The following EFCAB13 variants were observed in gnomAD, a reference collection of about 807,000 sequenced individuals.
EFCAB13 encodes the protein EF-hand calcium-binding domain-containing protein 13.
EFCAB13 carries 91 observed loss-of-function variants against 110.2 expected under a neutral mutation model. That is an observed-to-expected ratio of 0.83 (90% CI 0.70 to 0.98). The LOEUF is 0.98. Ranked by LOEUF, EFCAB13 falls within the 50% of genes least tolerant of loss-of-function variation. EFCAB13 has a pLI of 0.00. For missense variants in EFCAB13, 968 were observed against 1,119.4 expected (o/e 0.86, Z 1.93); for synonymous variants, 323 against 369.9 (o/e 0.87, Z 1.45).
At chr17:47,420,180 C>G (rs1265920918) in intron 23 of EFCAB13, among the ~76,000 whole-genome samples, 2 of 152,246 alleles carry the variant, frequency 1.3e-5, no homozygotes, top group African/African-American at 2.4e-5. Context: ...CAGCTCCTAA[C>G]GTGAGTGATC....
In EFCAB13 at chr17:47,335,254, C is replaced by G. The variant is rs750635167; in HGVS notation, c.89C>G (p.Ser30Ter). 6.2e-7 allele frequency: 1 copy of G among 1,611,138 alleles called. No individual in the cohort carries two copies. The highest frequency in any genetic ancestry group is 8.5e-7 in the Non-Finnish European group (1 of 1,179,176). ...TCTAATTCTTTTGCAACTGACTTGT[C>G]ATCAGGAACTATTAACCACAAGAAA... is the stretch of plus-strand genomic sequence containing the variant. ...DGSNSFATDL[S>*]SGTINHKKYI... Residue 30 changes from serine (S) to a stop codon, truncating the protein, a stop_gained, in exon 5 of 25, where the codon TCA (serine) becomes TGA (stop). Coordinates refer to ENST00000331493, the MANE Select transcript of EFCAB13 (RefSeq NM_152347.5). LOFTEE classifies it high-confidence loss of function.
At chr17:47,338,558 GT>G (rs60680626) in intron 5 of EFCAB13, among the ~76,000 whole-genome samples, 3,921 of 148,186 alleles carry the variant, frequency 0.026, 171 homozygotes, top group African/African-American at 0.088. Context: ...TTTACTACTA[GT>G]TTTTTTTTTT....
chr17:47,425,650 G>C (rs554660592), intron 23 of EFCAB13, among the ~76,000 whole-genome samples: 1 of 152,160 alleles, frequency 6.6e-6, no homozygotes, highest in South Asian at 2.1e-4. Context: ...CAGAAGATAA[G>C]GAGTAGGTAC....
At chr17:47,352,752 G>A (rs979158806) in intron 9 of EFCAB13, among the ~76,000 whole-genome samples, 1 of 152,060 alleles carries the variant, frequency 6.6e-6, no homozygotes, top group Non-Finnish European at 1.5e-5. Flanking sequence ...GTTCTCTATA[G>A]TTTATTTCAT....
At chr17:47,426,049 C>G (rs925571037) in intron 23 of EFCAB13, among the ~76,000 whole-genome samples, 2 of 152,132 alleles carry the variant, frequency 1.3e-5, no homozygotes, top group African/African-American at 4.8e-5. Flanking sequence ...CCAGTCAATC[C>G]AAACCACTAT....
chr17:47,440,418 C>A lies in EFCAB13; in HGVS notation c.2639-13C>A. The stretch of plus-strand genomic sequence containing the variant: ...AATTCTTTCTTTTAAGTAAATTATG[C>A]TTTGCCTTACAGAAAGTGGCAAGGT... On this transcript the variant is annotated splice_polypyrimidine_tract_variant and intron_variant, in intron 24 of 24. Coordinates refer to ENST00000331493, the MANE Select transcript of EFCAB13 (RefSeq NM_152347.5). 1 of 1,550,500 alleles carries A rather than the reference C, an allele frequency of 6.4e-7. No homozygotes were observed. Among genetic ancestry groups the A allele is most frequent in the Admixed American group, 2.1e-5 (1 of 46,754 alleles).
rs111389844 is a variant in EFCAB13, at chr17:47,369,358, G to A, written c.806-1079G>A. On this transcript the variant is annotated intron_variant, in intron 10 of 24. Transcript: ENST00000331493. ...TCAATTGTGTATTTTTTTCCAAGGCGAGGAAACCATTGGCAATACAAGAAA... is the reference window on the plus strand; with the variant it reads ...TCAATTGTGTATTTTTTTCCAAGGCAAGGAAACCATTGGCAATACAAGAAA... Among the ~76,000 whole-genome samples, 1,313 of 152,146 alleles carry A rather than the reference G, an allele frequency of 8.6e-3. 14 individuals are homozygous for A. Among genetic ancestry groups the A allele is most frequent in the African/African-American group, 0.027 (1,114 of 41,490 alleles).
chr17:47,420,337 T>A (rs1904608284), intron 23 of EFCAB13, among the ~76,000 whole-genome samples: 2 of 152,262 alleles, frequency 1.3e-5, no homozygotes, highest in African/African-American at 4.8e-5. Flanking sequence ...CCTCCCAAAG[T>A]GCCGAGATTG....
At position 47,377,531 on chromosome 17, in the gene EFCAB13, C is replaced by T. The variant is rs567475173; in HGVS notation, c.1373-235C>T. The T allele has an allele frequency of 1.7e-4, 42 of 246,174 alleles. No individual in the cohort carries two copies. In the South Asian group the frequency reaches 3.4e-3, roughly 20 times the overall value. 15.2% of individuals were successfully genotyped at this position (246,174 alleles called of 1,614,324 possible). On this transcript the variant is annotated intron_variant, in intron 12 of 24. Coordinates refer to ENST00000331493, the MANE Select transcript of EFCAB13 (RefSeq NM_152347.5). ...CACTGGAACAGGCTGTTCCCCCAAA[C>T]AAGTAGATTATAAATGTTTATAGAA... is the stretch of plus-strand genomic sequence containing the variant.
intron 5 of EFCAB13, among the ~76,000 whole-genome samples, chr17:47,338,951 A>T (rs1473001561): frequency 6.6e-6 from 1 of 152,162 alleles, no homozygotes; most frequent in African/African-American, 2.4e-5. Context: ...AATTAAAAAT[A>T]AATTTAAGAA....
At chr17:47,339,312 C>G (rs2065370167) in intron 5 of EFCAB13, among the ~76,000 whole-genome samples, 1 of 151,998 alleles carries the variant, frequency 6.6e-6, no homozygotes, top group Admixed American at 6.6e-5. Flanking sequence ...CTTTTTGGCA[C>G]TAGGGACCAG....
rs541672226 is a variant in EFCAB13 at position 47,387,504 on chromosome 17, A to G, written c.1583-3933A>G. Among the ~76,000 whole-genome samples the G allele has an allele frequency of 8.6e-4, 131 of 152,324 alleles. 1 individual carries two copies. Among genetic ancestry groups the G allele is most frequent in the Non-Finnish European group, 1.3e-3 (91 of 68,036 alleles). Reference sequence around the variant, plus strand: ...GGGTCCTCTGTTGTTGTGTACATACATATTTATAATTGTTATATCCTCTTA... The same window carrying G: ...GGGTCCTCTGTTGTTGTGTACATACGTATTTATAATTGTTATATCCTCTTA... On this transcript the variant is annotated intron_variant, in intron 14 of 24. Transcript: ENST00000331493.
At chr17:47,421,643 A>AAG (rs1364997020) in intron 23 of EFCAB13, among the ~76,000 whole-genome samples, 25 of 150,470 alleles carry the variant, frequency 1.7e-4, no homozygotes, top group East Asian at 4.0e-4. Flanking sequence ...GAAAGAAAGA[A>AAG]AAAAAAAAAA....
chr17:47,388,233 G>A (rs2065687245), intron 14 of EFCAB13, among the ~76,000 whole-genome samples: 1 of 152,236 alleles, frequency 6.6e-6, no homozygotes, highest in South Asian at 2.1e-4. Context: ...AGGAACCCAA[G>A]ATGGTGGGGA....
intron 23 of EFCAB13, among the ~76,000 whole-genome samples, chr17:47,416,733 C>T (rs558763522): frequency 1.3e-5 from 2 of 152,244 alleles, no homozygotes; most frequent in African/African-American, 2.4e-5. Flanking sequence ...TGGCCTCCAG[C>T]TGCATCCATG....
intron 14 of EFCAB13, among the ~76,000 whole-genome samples, chr17:47,382,820 C>T (rs987764430): frequency 9.9e-5 from 15 of 152,180 alleles, no homozygotes; most frequent in Admixed American, 2.0e-4. Context: ...AGCGGAGTCC[C>T]CCCTTTTCTG....
chr17:47,408,750 G>T (rs1446984827), intron 20 of EFCAB13, among the ~76,000 whole-genome samples: 1 of 152,034 alleles, frequency 6.6e-6, no homozygotes, highest in Non-Finnish European at 1.5e-5. Context: ...AGACAGTGTT[G>T]GTTATCACAA....
intron 17 of EFCAB13, among the ~76,000 whole-genome samples, chr17:47,398,506 G>A (rs1263493398): frequency 6.6e-6 from 1 of 151,640 alleles, no homozygotes; most frequent in Admixed American, 6.6e-5. Context: ...TTTTCATTTT[G>A]TTCTGTACTA....
At chr17:47,394,165 G>A (rs1027601094) in intron 16 of EFCAB13, 66 bp downstream of exon 16, 57 of 1,046,540 alleles carry the variant, frequency 5.4e-5, no homozygotes, top group Non-Finnish European at 6.4e-5. Context: ...TTAGAAGAGC[G>A]TAAACACTCT....
Sources: gnomAD v4.1 joint callset for allele counts (sites outside exome capture counted in the v4.1 genomes callset) on GRCh38, gnomAD v4.1.1 for gene constraint, MANE v1.5 for transcripts, NCBI Gene and HGNC (gene_info 2026-07-23, HGNC 2026-07-21) for gene names.